Variants in PRR16 observed in about 807,000 individuals in gnomAD.
PRR16 encodes the protein protein Largen.
Under a neutral mutation model 18.2 loss-of-function variants are expected in PRR16, and 6 were observed. That is an observed-to-expected ratio of 0.33 (90% CI 0.18 to 0.65). PRR16 has a LOEUF of 0.65. PRR16 is among the 30% of genes least tolerant of loss of function. The pLI is 0.74. For synonymous variants in PRR16, 151 were observed against 147.8 expected (o/e 1.02, Z -0.16); for missense variants, 412 against 376.6 (o/e 1.09, Z -0.78).
chr5:120,582,754 C>T (rs1373196364), intron 1 of PRR16, among the ~76,000 whole-genome samples: 1 of 149,800 alleles, frequency 6.7e-6, no homozygotes, highest in African/African-American at 2.5e-5. Context: ...TTCAAATAGT[C>T]TGTCAATAAG....
chr5:120,686,418 T>C lies in PRR16; in HGVS notation c.624T>C (p.Asn208=). The change falls in exon 2 of 2, where the codon AAT becomes AAC. Residue 208 remains asparagine (N), a synonymous_variant. Transcript: ENST00000407149. ...GGCCTCGAGAACGAGTTCGGTTTAATGAAAAAGTACAGTACCATGGCTATT... is the reference window on the plus strand; with the variant it reads ...GGCCTCGAGAACGAGTTCGGTTTAACGAAAAAGTACAGTACCATGGCTATT... ...QAGPRERVRF[N]EKVQYHGYCP... 1 of 1,614,096 alleles carries C rather than the reference T, an allele frequency of 6.2e-7. No homozygotes were observed. Among genetic ancestry groups the C allele is most frequent in the Non-Finnish European group, 8.5e-7 (1 of 1,179,998 alleles).
intron 1 of PRR16, among the ~76,000 whole-genome samples, chr5:120,522,128 A>G (rs1033532900): frequency 3.3e-5 from 5 of 152,152 alleles, no homozygotes; most frequent in African/African-American, 1.2e-4. Flanking sequence ...GCTGCAATAA[A>G]CATACGTGTG....
chr5:120,747,627 T>C, the PRR16 span, among the ~76,000 whole-genome samples: 5 of 152,244 alleles, frequency 3.3e-5, no homozygotes, highest in South Asian at 1.0e-3. Flanking sequence ...TGCCTGCAGA[T>C]ACATAATCTA....
chr5:120,512,314 C>G (rs1750854634), intron 1 of PRR16, among the ~76,000 whole-genome samples: 2 of 152,092 alleles, frequency 1.3e-5, no homozygotes, highest in South Asian at 2.1e-4. Context: ...TCCAGGCGAC[C>G]AAATCCCTTA....
intron 1 of PRR16, among the ~76,000 whole-genome samples, chr5:120,548,622 A>G (rs1752149963): frequency 1.3e-5 from 2 of 152,060 alleles, no homozygotes; most frequent in Admixed American, 6.6e-5. Flanking sequence ...AGATGTTACT[A>G]TTAGCCCTCA....
intron 1 of PRR16, among the ~76,000 whole-genome samples, chr5:120,674,600 T>C (rs1756731916): frequency 6.6e-6 from 1 of 152,192 alleles, no homozygotes; most frequent in Non-Finnish European, 1.5e-5. Flanking sequence ...AATTGACTTT[T>C]CTTTATTTTT....
chr5:120,501,124 G>T (rs1487254731), intron 1 of PRR16, among the ~76,000 whole-genome samples: 1 of 152,030 alleles, frequency 6.6e-6, no homozygotes, highest in East Asian at 1.9e-4. Flanking sequence ...TAATACAAAA[G>T]GTTTTGCAGG....
chr5:120,615,024 A>T (rs1007149475), intron 1 of PRR16, among the ~76,000 whole-genome samples: 2 of 149,036 alleles, frequency 1.3e-5, no homozygotes, highest in Non-Finnish European at 3.0e-5. Context: ...ATGCATTGTT[A>T]CTTCCCTATT....
chr5:120,503,477 A>G (rs1289840150), intron 1 of PRR16, among the ~76,000 whole-genome samples: 2 of 152,156 alleles, frequency 1.3e-5, no homozygotes, highest in African/African-American at 4.8e-5. Flanking sequence ...AAGTTTTCTT[A>G]TGTAAATATG....
chr5:120,725,764 C>T, the PRR16 span, among the ~76,000 whole-genome samples: 1 of 152,154 alleles, frequency 6.6e-6, no homozygotes, highest in South Asian at 2.1e-4. Flanking sequence ...AATTATCTTA[C>T]TCTTCTGAGA....
intron 1 of PRR16, among the ~76,000 whole-genome samples, chr5:120,671,050 C>T (rs1756584182): frequency 6.6e-6 from 1 of 152,064 alleles, no homozygotes; most frequent in African/African-American, 2.4e-5. Flanking sequence ...CCCTTTCTGT[C>T]TTTACACACT....
At chr5:120,611,158 G>T (rs1351359149) in intron 1 of PRR16, among the ~76,000 whole-genome samples, 1 of 152,192 alleles carries the variant, frequency 6.6e-6, no homozygotes, top group Non-Finnish European at 1.5e-5. Context: ...TCTGGCAGAA[G>T]AAATTTCTAA....
intron 1 of PRR16, chr5:120,481,275 A>G (rs1284340107): frequency 1.1e-5 from 5 of 457,734 alleles, no homozygotes; most frequent in Non-Finnish European, 8.6e-6. Context: ...AGCCTGCCTC[A>G]GTGCGCCACT....
intron 1 of PRR16, among the ~76,000 whole-genome samples, chr5:120,628,633 T>G (rs1159495860): frequency 6.7e-6 from 1 of 149,184 alleles, no homozygotes; most frequent in Non-Finnish European, 1.5e-5. Flanking sequence ...TCTACTCATC[T>G]CTCTATCTTT....
At chr5:120,620,061 A>G (rs1754637219) in intron 1 of PRR16, among the ~76,000 whole-genome samples, 1 of 152,162 alleles carries the variant, frequency 6.6e-6, no homozygotes, top group Non-Finnish European at 1.5e-5. Context: ...AACTGGAATA[A>G]GTATTGTTTG....
the PRR16 span, among the ~76,000 whole-genome samples, chr5:120,759,906 A>C: frequency 6.6e-6 from 1 of 152,170 alleles, no homozygotes; most frequent in African/African-American, 2.4e-5. Flanking sequence ...GGGATCCCAA[A>C]AGGAATGCAT....
At chr5:120,576,564 C>T (rs951138245) in intron 1 of PRR16, among the ~76,000 whole-genome samples, 8 of 152,058 alleles carry the variant, frequency 5.3e-5, no homozygotes, top group African/African-American at 7.2e-5. Flanking sequence ...ACTCTGCTGG[C>T]GGAAATGTAA....
intron 1 of PRR16, among the ~76,000 whole-genome samples, chr5:120,630,945 T>G (rs1298290706): frequency 1.3e-5 from 2 of 152,198 alleles, no homozygotes; most frequent in Non-Finnish European, 2.9e-5. Flanking sequence ...GAGATAAATA[T>G]AAGTCTCCCA....
chr5:120,484,882 T>C (rs1749742620), intron 1 of PRR16, among the ~76,000 whole-genome samples: 1 of 151,352 alleles, frequency 6.6e-6, no homozygotes, highest in African/African-American at 2.4e-5. Flanking sequence ...TTTTAAAGAG[T>C]ATACATACAT....
Sources: allele counts gnomAD v4.1 joint callset (sites outside exome capture counted in the v4.1 genomes callset), GRCh38; gene constraint gnomAD v4.1.1; transcripts MANE v1.5; gene names NCBI Gene and HGNC (gene_info 2026-07-23, HGNC 2026-07-21).